PCDH9: variants seen among roughly 807,000 people sequenced by gnomAD.
The protein encoded by PCDH9 is protocadherin 9.
A neutral mutation model predicts 70.6 loss-of-function variants in PCDH9; 24 were observed. The ratio of observed to expected loss-of-function variants is 0.34; its 90% CI spans 0.25 to 0.48. The LOEUF is 0.48. PCDH9 is among the 20% of genes least tolerant of loss of function. The pLI, the probability that PCDH9 is intolerant of heterozygous loss-of-function variation, is 0.99. For missense variants in PCDH9, 1,281 were observed against 1,503.6 expected, an observed-to-expected ratio of 0.85 and a Z score of 2.45; for synonymous variants, 562 against 558.5, an observed-to-expected ratio of 1.01 and a Z score of -0.09.
intron 4 of PCDH9, among the ~76,000 whole-genome samples, chr13:66,463,304 T>C (rs561908661): frequency 9.2e-5 from 14 of 151,962 alleles, no homozygotes; most frequent in African/African-American, 3.4e-4. Context: ...TCTCCCTTTC[T>C]TTTTCTAAAC....
chr13:66,305,583 A>C (rs1004855731), intron 4 of PCDH9, among the ~76,000 whole-genome samples: 2 of 152,248 alleles, frequency 1.3e-5, no homozygotes, highest in African/African-American at 2.4e-5. Context: ...CCTTATTTTT[A>C]AATGAAAATA....
chr13:66,597,264 C>T lies in PCDH9; in HGVS notation c.3340+33946G>A, dbSNP rs528266639. Among the ~76,000 whole-genome samples the T allele has an allele frequency of 6.6e-5, 10 of 151,634 alleles. No individual in the cohort carries two copies. In the South Asian group the frequency reaches 2.1e-3, roughly 31 times the overall value. The stretch of plus-strand genomic sequence containing the variant: ...TTTATTTACAGAAATGGAAAAAAAT[C>T]CAATAATTAATAAGGTACCACAAAG... On this transcript the variant is annotated intron_variant, in intron 4 of 4. Coordinates refer to ENST00000377865, the MANE Select transcript of PCDH9 (RefSeq NM_203487.3).
chr13:66,815,802 C>A (rs1332725623), intron 3 of PCDH9, among the ~76,000 whole-genome samples: 2 of 152,036 alleles, frequency 1.3e-5, no homozygotes, highest in Non-Finnish European at 2.9e-5. Context: ...AAAAAAACTA[C>A]CTATCAAGTA....
At chr13:66,841,295 A>C (rs1264209554) in intron 3 of PCDH9, among the ~76,000 whole-genome samples, 1 of 152,212 alleles carries the variant, frequency 6.6e-6, no homozygotes, top group East Asian at 1.9e-4. Flanking sequence ...CATATGTATG[A>C]AAAAATCAGG....
intron 3 of PCDH9, among the ~76,000 whole-genome samples, chr13:66,867,471 T>C (rs1346350305): frequency 1.3e-5 from 2 of 152,136 alleles, no homozygotes; most frequent in African/African-American, 4.8e-5. Context: ...AAGGACATAA[T>C]TTAATATTTT....
chr13:66,831,181 T>C (rs531388352), intron 3 of PCDH9, among the ~76,000 whole-genome samples: 1 of 152,330 alleles, frequency 6.6e-6, no homozygotes, highest in East Asian at 1.9e-4. Flanking sequence ...GTCTTACTGA[T>C]CTTTGGTGCA....
intron 4 of PCDH9, among the ~76,000 whole-genome samples, chr13:66,516,642 A>G (rs1053928617): frequency 6.6e-6 from 1 of 152,040 alleles, no homozygotes; most frequent in African/African-American, 2.4e-5. Flanking sequence ...ACTATCAACT[A>G]TCTTGTCTTT....
chr13:66,934,803 C>CT (rs1411183069), intron 2 of PCDH9, among the ~76,000 whole-genome samples: 1 of 137,268 alleles, frequency 7.3e-6, no homozygotes, highest in Non-Finnish European at 1.5e-5. Context: ...TCACTGCAAG[C>CT]TCCGCCTCCC....
At chr13:67,061,736 A>G (rs1042033144) in intron 2 of PCDH9, among the ~76,000 whole-genome samples, 4 of 152,090 alleles carry the variant, frequency 2.6e-5, no homozygotes, top group African/African-American at 9.7e-5. Context: ...AATTATACAC[A>G]TGTTCTTAGT....
intron 3 of PCDH9, among the ~76,000 whole-genome samples, chr13:66,773,128 G>A (rs138072060): frequency 6.6e-6 from 1 of 152,256 alleles, no homozygotes; most frequent in African/African-American, 2.4e-5. Flanking sequence ...TGTCTTTCAT[G>A]TATAACTGTT....
intron 3 of PCDH9, among the ~76,000 whole-genome samples, chr13:66,866,179 G>A (rs928853283): frequency 7.9e-5 from 12 of 152,132 alleles, no homozygotes; most frequent in African/African-American, 2.9e-4. Context: ...TGATGTTGGA[G>A]ACAAAAATGT....
rs555650305 is a variant in PCDH9, at chr13:66,389,815, A to T, written c.3341-84787T>A. ...AAATAAGTCAATGACTTCCATCATGAAAGTTCTATTCCAGACAGTGATTTT... is the reference window on the plus strand; with the variant it reads ...AAATAAGTCAATGACTTCCATCATGTAAGTTCTATTCCAGACAGTGATTTT... On this transcript the variant is annotated intron_variant, in intron 4 of 4. Transcript: ENST00000377865. Among the ~76,000 whole-genome samples the T allele has an allele frequency of 3.3e-5, 5 of 152,326 alleles. No individual in the cohort carries two copies. In the East Asian group the frequency reaches 9.6e-4, roughly 29 times the overall value.
At chr13:66,953,302 G>A (rs2083214152) in intron 2 of PCDH9, among the ~76,000 whole-genome samples, 1 of 152,100 alleles carries the variant, frequency 6.6e-6, no homozygotes, top group Admixed American at 6.6e-5. Context: ...CCAGAGTACT[G>A]TAAATATTTA....
intron 4 of PCDH9, among the ~76,000 whole-genome samples, chr13:66,438,614 C>G (rs7986387): frequency 6.6e-6 from 1 of 152,162 alleles, no homozygotes; most frequent in Non-Finnish European, 1.5e-5. Context: ...GTGACTGTTA[C>G]GGCCCTTGCA....
chr13:66,539,456 T>A (rs1186909699), intron 4 of PCDH9, among the ~76,000 whole-genome samples: 1 of 152,032 alleles, frequency 6.6e-6, no homozygotes. Flanking sequence ...ATAGGGCCTT[T>A]CCCCCTTTTG....
rs1226665740 is a variant in PCDH9, at chr13:66,901,931, G to T, written c.3138+1573C>A. Among the ~76,000 whole-genome samples, 3 of 151,580 alleles carry T rather than the reference G, an allele frequency of 2.0e-5. No homozygotes were observed. The East Asian group carries it at 5.8e-4, about 29-fold the overall frequency. ...GTTATAAAAATAAATATAATTCTTA[G>T]AAATCTGAAATCCACTTGGATCTTA... On this transcript the variant is annotated intron_variant, in intron 3 of 4. Transcript: ENST00000377865.
intron 4 of PCDH9, among the ~76,000 whole-genome samples, chr13:66,338,650 G>C (rs781283489): frequency 2.0e-5 from 3 of 151,142 alleles, no homozygotes; most frequent in Non-Finnish European, 4.4e-5. Context: ...GTAGAGGGGT[G>C]GGGGGTGGTT....
At chr13:67,016,274 G>A (rs573977140) in intron 2 of PCDH9, among the ~76,000 whole-genome samples, 1 of 152,166 alleles carries the variant, frequency 6.6e-6, no homozygotes, top group Admixed American at 6.5e-5. Flanking sequence ...TTGTCACAAA[G>A]CCAGTGGGTG....
chr13:66,348,522 T>A (rs1229702781), intron 4 of PCDH9, among the ~76,000 whole-genome samples: 2 of 151,968 alleles, frequency 1.3e-5, no homozygotes, highest in Admixed American at 6.6e-5. Flanking sequence ...CTCAGCCTCC[T>A]GAGTAGCTGG....
Sources: gnomAD v4.1 joint callset for allele counts (sites outside exome capture counted in the v4.1 genomes callset) on GRCh38, gnomAD v4.1.1 for gene constraint, MANE v1.5 for transcripts, NCBI Gene and HGNC (gene_info 2026-07-23, HGNC 2026-07-21) for gene names.